Variants in LRRC37A2 observed in about 807,000 individuals in gnomAD.
LRRC37A2 encodes the protein leucine-rich repeat-containing protein 37A2.
Under a neutral mutation model 68.8 loss-of-function variants are expected in LRRC37A2, and 9 were observed. The observed-to-expected ratio is 0.13, with a 90% CI of 0.08 to 0.23. The LOEUF is 0.23. Among genes scored for constraint, LRRC37A2 ranks in the 10% least tolerant of loss-of-function variants. The pLI is 1.00. For missense variants in LRRC37A2, 168 were observed against 950.4 expected (o/e 0.18, Z 10.82); for synonymous variants, 63 against 367.6 (o/e 0.17, Z 9.48).
chr17:46,914,632 C>T, the LRRC37A2 span, among the ~76,000 whole-genome samples: 2 of 112,070 alleles, frequency 1.8e-5, no homozygotes, highest in Non-Finnish European at 3.3e-5. Flanking sequence ...GCCTGTGGGG[C>T]AGAGCGAGAC....
chr17:46,403,252 C>A, the LRRC37A2 span, among the ~76,000 whole-genome samples: 2 of 19,164 alleles, frequency 1.0e-4, no homozygotes, highest in East Asian at 5.6e-4. Flanking sequence ...TTTAACAAAT[C>A]TTTTAAATAC....
At chr17:46,951,950 T>C in the LRRC37A2 span, among the ~76,000 whole-genome samples, 1 of 152,170 alleles carries the variant, frequency 6.6e-6, no homozygotes, top group Non-Finnish European at 1.5e-5. Context: ...CCAGGAAGTC[T>C]TCCTTTCTAA....
At chr17:46,950,094 G>A in the LRRC37A2 span, among the ~76,000 whole-genome samples, 1 of 152,256 alleles carries the variant, frequency 6.6e-6, no homozygotes. Context: ...ATAAAGACAG[G>A]GAGAACCCAC....
chr17:46,999,794 T>C, the LRRC37A2 span, among the ~76,000 whole-genome samples: 1 of 151,042 alleles, frequency 6.6e-6, no homozygotes, highest in Non-Finnish European at 1.5e-5. Flanking sequence ...AGGTCAGGAG[T>C]TTGAAACCAG....
the LRRC37A2 span, among the ~76,000 whole-genome samples, chr17:46,612,231 A>T: frequency 3.8e-5 from 4 of 104,442 alleles, no homozygotes; most frequent in Non-Finnish European, 5.7e-5. Context: ...TTTTTTTTTT[A>T]AAGACAGTAA....
At chr17:46,809,111 T>G in the LRRC37A2 span, among the ~76,000 whole-genome samples, 2 of 151,926 alleles carry the variant, frequency 1.3e-5, no homozygotes, top group Non-Finnish European at 2.9e-5. Flanking sequence ...AGTGGGTTAT[T>G]GGGGGGATCG....
the LRRC37A2 span, among the ~76,000 whole-genome samples, chr17:46,783,226 T>G: frequency 1.3e-4 from 20 of 152,306 alleles, no homozygotes; most frequent in Non-Finnish European, 2.5e-4. Flanking sequence ...GATAAAACCA[T>G]GAAGGAGCAG....
the LRRC37A2 span, among the ~76,000 whole-genome samples, chr17:46,769,026 G>A: frequency 6.6e-6 from 1 of 152,156 alleles, no homozygotes; most frequent in African/African-American, 2.4e-5. Context: ...TTCTCACAGC[G>A]CATGAAATAC....
the LRRC37A2 span, among the ~76,000 whole-genome samples, chr17:46,990,149 C>T: frequency 6.6e-6 from 1 of 152,222 alleles, no homozygotes; most frequent in East Asian, 1.9e-4. Flanking sequence ...TTATATTCCT[C>T]TCCACAGTGG....
At chr17:46,867,943 G>C in the LRRC37A2 span, among the ~76,000 whole-genome samples, 1 of 152,176 alleles carries the variant, frequency 6.6e-6, no homozygotes, top group South Asian at 2.1e-4. Flanking sequence ...AGGACCATGG[G>C]GTGAAGGTGC....
At chr17:46,964,604 T>G in the LRRC37A2 span, 1 of 152,344 alleles carries the variant, frequency 6.6e-6, no homozygotes, top group Non-Finnish European at 1.5e-5. Flanking sequence ...TCAGAGACCA[T>G]CTAGTCCAGC....
the LRRC37A2 span, among the ~76,000 whole-genome samples, chr17:46,865,578 GT>G: frequency 6.6e-6 from 1 of 152,096 alleles, no homozygotes; most frequent in African/African-American, 2.4e-5. Flanking sequence ...TGGTTTTGAG[GT>G]CTGTGGGTGG....
chr17:46,728,952 A>G, the LRRC37A2 span: 1 of 1,420,648 alleles, frequency 7.0e-7, no homozygotes, highest in Non-Finnish European at 9.8e-7. Flanking sequence ...AATACTACTA[A>G]TAAGGAATAT....
At chr17:46,473,832 G>A in the LRRC37A2 span, among the ~76,000 whole-genome samples, 36 of 90,432 alleles carry the variant, frequency 4.0e-4, 8 homozygotes, top group Non-Finnish European at 4.9e-5. Context: ...GGAGGCAGAG[G>A]TTGCAGTGAG....
the LRRC37A2 span, among the ~76,000 whole-genome samples, chr17:47,026,848 G>A: frequency 2.0e-5 from 3 of 152,138 alleles, no homozygotes; most frequent in Non-Finnish European, 2.9e-5. Flanking sequence ...TATTTCTTCT[G>A]ATATTGAACT....
At chr17:46,399,955 GT>G in the LRRC37A2 span, among the ~76,000 whole-genome samples, 2 of 106,006 alleles carry the variant, frequency 1.9e-5, no homozygotes, top group African/African-American at 7.6e-5. Context: ...ACTGTGCAGT[GT>G]TGTCCAGAAG....
chr17:47,000,098 A>AAAAAAATAAAATAATAAAAT, the LRRC37A2 span, among the ~76,000 whole-genome samples: 1 of 133,142 alleles, frequency 7.5e-6, no homozygotes, highest in East Asian at 3.7e-4. Flanking sequence ...AAATAAAATA[A>AAAAAAATAAAATAATAAAAT]AATAAAATAA....
chr17:46,892,106 A>G, the LRRC37A2 span, among the ~76,000 whole-genome samples: 22 of 151,262 alleles, frequency 1.5e-4, no homozygotes, highest in African/African-American at 5.1e-4. Context: ...TTTAGTAGAG[A>G]TGGGGTTTCA....
the LRRC37A2 span, among the ~76,000 whole-genome samples, chr17:47,022,166 C>CTTTTTTTTTTTTTTTTTT: frequency 3.5e-3 from 55 of 15,836 alleles, 19 homozygotes; most frequent in East Asian, 0.015. Flanking sequence ...CCTTTTTGTT[C>CTTTTTTTTTTTTTTTTTT]TCTTTTTTTT....
Sources: allele counts gnomAD v4.1 joint callset (sites outside exome capture counted in the v4.1 genomes callset), GRCh38; gene constraint gnomAD v4.1.1; transcripts MANE v1.5; gene names NCBI Gene and HGNC (gene_info 2026-07-23, HGNC 2026-07-21).